The following INSC variants were observed in gnomAD, a reference collection of about 807,000 sequenced individuals.
INSC encodes the protein protein inscuteable homolog.
Under a neutral mutation model 58.6 loss-of-function variants are expected in INSC, and 67 were observed. That is an observed-to-expected ratio of 1.14 (90% CI 0.94 to 1.40). The LOEUF (loss-of-function observed/expected upper bound fraction) is 1.40. Ranked by LOEUF, INSC falls within the 40% of genes most tolerant of loss-of-function variation. The probability of loss-of-function intolerance (pLI) is 0.00; values close to 1 mark genes in which losing one functional copy is unlikely to be tolerated. For missense variants in INSC, 714 were observed against 692.0 expected (o/e 1.03, Z -0.36); for synonymous variants, 262 against 276.1 (o/e 0.95, Z 0.51).
At chr11:15,247,580 T>G (rs1393862516), downstream of INSC, among the ~76,000 whole-genome samples, 1 of 151,952 alleles carries the variant, frequency 6.6e-6, no homozygotes, top group Non-Finnish European at 1.5e-5. Flanking sequence ...ATATTAACAT[T>G]TACTACTACA....
At position 15,246,226 on chromosome 11, in the gene INSC, T is replaced by C; in HGVS notation, c.*186T>C. The C allele has an allele frequency of 1.9e-6, 1 of 517,286 alleles. No individual in the cohort carries two copies. The highest frequency in any genetic ancestry group is 3.3e-6 in the Non-Finnish European group (1 of 307,300). 32.0% of individuals were successfully genotyped at this position (517,286 alleles called of 1,614,324 possible). ...TCAAACAGTCTTTGGTCCTTGAGAA[T>C]CTTCTTTGTGTTTTATTTTTTGATT... is the stretch of plus-strand genomic sequence containing the variant. On this transcript the variant is annotated 3_prime_UTR_variant, in exon 13 of 13. Transcript: ENST00000379556.
At chr11:15,184,682 C>T (rs1849903478) in intron 5 of INSC, among the ~76,000 whole-genome samples, 1 of 152,210 alleles carries the variant, frequency 6.6e-6, no homozygotes, top group African/African-American at 2.4e-5. Flanking sequence ...GCATGAGCCG[C>T]CACATCCAGT....
At chr11:15,112,623 TG>T, upstream of INSC, 4 of 469,174 alleles carry the variant, frequency 8.5e-6, no homozygotes, top group Non-Finnish European at 6.4e-6. Context: ...TGTGTGTGTG[TG>T]TGTGTGTGTG....
intron 3 of INSC, 84 bp downstream of exon 3, chr11:15,176,170 G>T: frequency 5.1e-6 from 6 of 1,187,734 alleles, no homozygotes; most frequent in Non-Finnish European, 5.8e-6. Context: ...TGTGGTGTCT[G>T]AATCTTTTTT....
chr11:15,139,079 T>G (rs921081625), intron 1 of INSC, among the ~76,000 whole-genome samples: 2 of 152,236 alleles, frequency 1.3e-5, no homozygotes, highest in Non-Finnish European at 2.9e-5. Context: ...TAAGAGATTG[T>G]ACAATTCTTT....
At chr11:15,253,001 T>A in the INSC span, among the ~76,000 whole-genome samples, 1 of 152,024 alleles carries the variant, frequency 6.6e-6, no homozygotes, top group Admixed American at 6.6e-5. Context: ...AACCCACTCC[T>A]TTTCCCTCTA....
At chr11:15,255,433 T>C in the INSC span, among the ~76,000 whole-genome samples, 1 of 152,022 alleles carries the variant, frequency 6.6e-6, no homozygotes, top group African/African-American at 2.4e-5. Context: ...ACCAGAAAAA[T>C]CTCTAAAATA....
intron 2 of INSC, among the ~76,000 whole-genome samples, chr11:15,169,380 C>T (rs930600802): frequency 1.3e-5 from 2 of 152,200 alleles, no homozygotes; most frequent in African/African-American, 2.4e-5. Flanking sequence ...TTCCACTTCC[C>T]AGTTCTTTGA....
At chr11:15,253,632 CTT>C in the INSC span, among the ~76,000 whole-genome samples, 4 of 146,480 alleles carry the variant, frequency 2.7e-5, no homozygotes, top group African/African-American at 7.5e-5. Context: ...TTTGCAGGGT[CTT>C]TTTTTTTTTT....
chr11:15,254,434 C>T, the INSC span, among the ~76,000 whole-genome samples: 1 of 152,096 alleles, frequency 6.6e-6, no homozygotes. Context: ...TGTAGATAAG[C>T]CAATCCCTTC....
At chr11:15,194,705 G>A (rs1010634004) in intron 6 of INSC, among the ~76,000 whole-genome samples, 1 of 152,204 alleles carries the variant, frequency 6.6e-6, no homozygotes, top group Non-Finnish European at 1.5e-5. Context: ...ACCATCAACA[G>A]TTGAGGAAAT....
In INSC at chr11:15,204,650, G is replaced by A. The variant is rs1025509922; in HGVS notation, c.819+3701G>A. Among the ~76,000 whole-genome samples, 39 of 152,232 alleles carry A rather than the reference G, an allele frequency of 2.6e-4. 2 individuals carry two copies. Among genetic ancestry groups the A allele is most frequent in the Non-Finnish European group, 2.9e-5 (2 of 68,038 alleles). On this transcript the variant is annotated intron_variant, in intron 7 of 12. Transcript: ENST00000379556. ...GGATTGTAGAAACCACAGAGTGACAGGTGAGTGAAGGTGGAGTGGGGAAGT... is the reference window on the plus strand; with the variant it reads ...GGATTGTAGAAACCACAGAGTGACAAGTGAGTGAAGGTGGAGTGGGGAAGT...
chr11:15,151,151 G>T (rs1199974280), intron 2 of INSC, among the ~76,000 whole-genome samples: 2 of 152,170 alleles, frequency 1.3e-5, no homozygotes, highest in African/African-American at 4.8e-5. Context: ...GAGGTGAGTG[G>T]CCGGCAAGAG....
intron 5 of INSC, among the ~76,000 whole-genome samples, chr11:15,189,690 T>C (rs73426511): frequency 0.017 from 2,557 of 152,332 alleles, 73 homozygotes; most frequent in African/African-American, 0.058. Flanking sequence ...TGAAACCACA[T>C]GAGTGGCTGC....
intron 7 of INSC, among the ~76,000 whole-genome samples, chr11:15,202,632 TG>T (rs1850638854): frequency 6.6e-6 from 1 of 152,194 alleles, no homozygotes; most frequent in Admixed American, 6.5e-5. Context: ...AAATGGGGTT[TG>T]TTTCTCACCT....
At chr11:15,180,582 C>A (rs2133835963) in intron 5 of INSC, among the ~76,000 whole-genome samples, 1 of 150,906 alleles carries the variant, frequency 6.6e-6, no homozygotes, top group South Asian at 2.1e-4. Flanking sequence ...ATTGCCAGGT[C>A]TGACCACCTG....
intron 7 of INSC, among the ~76,000 whole-genome samples, chr11:15,212,123 A>G (rs1257842211): frequency 6.6e-6 from 1 of 151,660 alleles, no homozygotes; most frequent in African/African-American, 2.4e-5. Context: ...TTTTTTGGAG[A>G]TGGAGTCTCA....
chr11:15,135,374 G>A (rs1016398366), intron 1 of INSC, among the ~76,000 whole-genome samples: 1 of 152,182 alleles, frequency 6.6e-6, no homozygotes, highest in Non-Finnish European at 1.5e-5. Flanking sequence ...TGTGGCCCAT[G>A]TACCTTATAC....
intron 4 of INSC, 104 bp from the exon 5 acceptor site, chr11:15,178,220 A>G (rs1289255242): frequency 8.2e-6 from 12 of 1,467,190 alleles, no homozygotes; most frequent in Non-Finnish European, 1.0e-5. Context: ...CAATGTCTTC[A>G]GCACACACCA....
Sources: gnomAD v4.1 joint callset for allele counts (sites outside exome capture counted in the v4.1 genomes callset) on GRCh38, gnomAD v4.1.1 for gene constraint, MANE v1.5 for transcripts, NCBI Gene and HGNC (gene_info 2026-07-23, HGNC 2026-07-21) for gene names.